NAALADL2: variants seen among roughly 807,000 people sequenced by gnomAD.
The protein encoded by NAALADL2 is N-acetylated alpha-linked acidic dipeptidase like 2, also known as inactive N-acetylated-alpha-linked acidic dipeptidase-like protein 2.
In NAALADL2, 76 loss-of-function variants were observed where a neutral mutation model predicts 87.2. That is an observed-to-expected ratio of 0.87 (90% confidence interval 0.72 to 1.05). The LOEUF (loss-of-function observed/expected upper bound fraction) is 1.05, where lower values mean the gene tolerates loss of function less well. NAALADL2 is among the 50% of genes least tolerant of loss of function. The probability of loss-of-function intolerance (pLI) is 0.00; values close to 1 mark genes in which losing one functional copy is unlikely to be tolerated. For missense variants in NAALADL2, 1,089 were observed against 945.8 expected (o/e 1.15, Z -1.99); for synonymous variants, 354 against 331.0 (o/e 1.07, Z -0.75).
chr3:174,816,265 T>G (rs1017471810), intron 3 of NAALADL2, among the ~76,000 whole-genome samples: 1 of 151,732 alleles, frequency 6.6e-6, no homozygotes. Flanking sequence ...TTCTTCTCTC[T>G]GTATATACAG....
intron 3 of NAALADL2, among the ~76,000 whole-genome samples, chr3:175,245,853 T>G (rs1254123227): frequency 6.6e-6 from 1 of 152,204 alleles, no homozygotes; most frequent in African/African-American, 2.4e-5. Context: ...CTAGAACTTG[T>G]GCTGTACTAG....
At chr3:175,794,430 G>A (rs974593867) in intron 13 of NAALADL2, among the ~76,000 whole-genome samples, 7 of 151,716 alleles carry the variant, frequency 4.6e-5, no homozygotes, top group Non-Finnish European at 8.8e-5. Context: ...TCCAAATTCT[G>A]AAAGGCACTA....
intron 2 of NAALADL2, among the ~76,000 whole-genome samples, chr3:175,118,994 C>A (rs1428735766): frequency 1.3e-5 from 2 of 151,188 alleles, no homozygotes; most frequent in East Asian, 1.9e-4. Context: ...AGGATTTTCA[C>A]AATTAAAATA....
At chr3:174,510,027 TTTG>T (rs898896343) in intron 1 of NAALADL2, among the ~76,000 whole-genome samples, 2 of 152,124 alleles carry the variant, frequency 1.3e-5, no homozygotes, top group African/African-American at 4.8e-5. Context: ...TCTTTTTTAG[TTTG>T]TTATGGGGAA....
chr3:175,308,129 A>G (rs951527227), intron 4 of NAALADL2, among the ~76,000 whole-genome samples: 1 of 151,976 alleles, frequency 6.6e-6, no homozygotes, highest in Non-Finnish European at 1.5e-5. Flanking sequence ...AGAGAAAACC[A>G]TTTTTTTTAT....
At chr3:174,742,580 G>A (rs1432729185) in intron 3 of NAALADL2, among the ~76,000 whole-genome samples, 2 of 151,560 alleles carry the variant, frequency 1.3e-5, no homozygotes, top group Admixed American at 6.6e-5. Context: ...TTTATTGAAA[G>A]TATGTATTAT....
intron 2 of NAALADL2, among the ~76,000 whole-genome samples, chr3:174,636,771 A>C (rs901266254): frequency 6.6e-6 from 1 of 152,128 alleles, no homozygotes; most frequent in Middle Eastern, 3.2e-3. Flanking sequence ...AATAAAAAAA[A>C]CTAACTAAAA....
chr3:175,479,392 A>G (rs892441282), intron 9 of NAALADL2, among the ~76,000 whole-genome samples: 6 of 151,868 alleles, frequency 4.0e-5, no homozygotes, highest in Non-Finnish European at 7.4e-5. Flanking sequence ...GTTATCTTGC[A>G]TTATAAAGAT....
intron 9 of NAALADL2, among the ~76,000 whole-genome samples, chr3:175,572,409 CAAAAA>C (rs80278132): frequency 2.1e-5 from 2 of 97,194 alleles, no homozygotes; most frequent in African/African-American, 3.2e-5. Flanking sequence ...GTTGGTTTAC[CAAAAA>C]AAAAAAAAAA....
intron 2 of NAALADL2, among the ~76,000 whole-genome samples, chr3:174,695,688 T>C (rs1252350308): frequency 1.3e-5 from 2 of 152,056 alleles, no homozygotes; most frequent in African/African-American, 4.8e-5. Flanking sequence ...TGAGTTTGTC[T>C]AAACCTAAGG....
At chr3:175,159,768 T>C (rs918993728) in intron 2 of NAALADL2, among the ~76,000 whole-genome samples, 1 of 151,858 alleles carries the variant, frequency 6.6e-6, no homozygotes, top group East Asian at 2.0e-4. Flanking sequence ...TAGCAAATGA[T>C]TTCCTTCCTT....
chr3:175,328,499 T>A (rs145083772), intron 5 of NAALADL2, among the ~76,000 whole-genome samples: 1 of 152,254 alleles, frequency 6.6e-6, no homozygotes, highest in East Asian at 1.9e-4. Context: ...GGGGAGCATC[T>A]TCTGTTTCTC....
intron 11 of NAALADL2, among the ~76,000 whole-genome samples, chr3:175,731,689 G>A (rs1031749522): frequency 3.9e-5 from 6 of 152,130 alleles, no homozygotes; most frequent in Admixed American, 3.3e-4. Context: ...TAACCATTCC[G>A]TTGTGGGCCA....
intron 1 of NAALADL2, among the ~76,000 whole-genome samples, chr3:175,023,034 T>C (rs1436229183): frequency 6.6e-6 from 1 of 152,118 alleles, no homozygotes; most frequent in Non-Finnish European, 1.5e-5. Flanking sequence ...CTCTGGTTGG[T>C]CGATTAGAAG....
At chr3:175,651,563 A>G (rs1199835253) in intron 11 of NAALADL2, among the ~76,000 whole-genome samples, 2 of 152,220 alleles carry the variant, frequency 1.3e-5, no homozygotes, top group Non-Finnish European at 2.9e-5. Flanking sequence ...TGAAATTTAT[A>G]GGAACAACAT....
chr3:175,338,510 A>G (rs927713357), intron 5 of NAALADL2, among the ~76,000 whole-genome samples: 10 of 150,300 alleles, frequency 6.7e-5, no homozygotes, highest in Non-Finnish European at 3.0e-5. Context: ...TTAAACATTT[A>G]TCAGGACCCC....
intron 1 of NAALADL2, among the ~76,000 whole-genome samples, chr3:174,515,975 A>G (rs974119450): frequency 6.6e-6 from 1 of 152,072 alleles, no homozygotes; most frequent in African/African-American, 2.4e-5. Flanking sequence ...CAAAACATGA[A>G]TAGAGAAAAA....
chr3:174,489,928 A>G (rs1038637819), intron 1 of NAALADL2, among the ~76,000 whole-genome samples: 4 of 152,122 alleles, frequency 2.6e-5, no homozygotes, highest in African/African-American at 9.7e-5. Context: ...TTGTAGAGAA[A>G]TGGGAACGCT....
At chr3:174,687,813 A>G (rs1395449435) in intron 2 of NAALADL2, among the ~76,000 whole-genome samples, 1 of 152,078 alleles carries the variant, frequency 6.6e-6, no homozygotes, top group Non-Finnish European at 1.5e-5. Flanking sequence ...AGTTTCCCCC[A>G]TACTGTTCTC....
Sources: gnomAD v4.1 joint callset for allele counts (sites outside exome capture counted in the v4.1 genomes callset) on GRCh38, gnomAD v4.1.1 for gene constraint, MANE v1.5 for transcripts, NCBI Gene and HGNC (gene_info 2026-07-23, HGNC 2026-07-21) for gene names.